Variants in SCN9A observed in about 807,000 individuals in gnomAD.
SCN9A encodes sodium voltage-gated channel alpha subunit 9, also known as sodium channel protein type 9 subunit alpha.
SCN9A carries 131 observed loss-of-function variants against 187.0 expected under a neutral mutation model. That is an observed-to-expected ratio of 0.70 (90% confidence interval 0.61 to 0.81). The LOEUF is 0.81. SCN9A is among the 30% of genes least tolerant of loss of function. The pLI is 0.00. For missense variants in SCN9A, 2,252 were observed against 2,396.6 expected (o/e 0.94, Z 1.26); for synonymous variants, 809 against 808.6 (o/e 1.00, Z -0.01).
intron 24 of SCN9A, among the ~76,000 whole-genome samples, chr2:166,208,823 A>G (rs985405819): frequency 2.6e-5 from 4 of 152,252 alleles, no homozygotes; most frequent in Non-Finnish European, 5.9e-5. Context: ...GGGTTTTCAA[A>G]TCAAACAGGC....
At chr2:166,266,373 A>G (rs1347082205) in intron 17 of SCN9A, among the ~76,000 whole-genome samples, 5 of 151,858 alleles carry the variant, frequency 3.3e-5, no homozygotes, top group Admixed American at 6.6e-5. Flanking sequence ...AGTTGACTGT[A>G]TATGTGTAGA....
At chr2:166,246,988 C>T (rs1695816648) in intron 18 of SCN9A, among the ~76,000 whole-genome samples, 1 of 151,732 alleles carries the variant, frequency 6.6e-6, no homozygotes, top group Non-Finnish European at 1.5e-5. Context: ...ATCATACCTT[C>T]TCTTTAAAAG....
Position 166,280,367 on chromosome 2 carries a change from A to G in SCN9A, c.2333T>C (p.Ile778Thr). 6.4e-7 allele frequency: 1 copy of G among 1,557,182 alleles called. No individual in the cohort carries two copies. The highest frequency in any genetic ancestry group is 2.3e-5 in the East Asian group (1 of 43,418). ...CAATAAGAGACTTACCAAATTTCCTATAGCAAGTACATTTTTGAATTCCTC... is the reference window on the plus strand; with the variant it reads ...CAATAAGAGACTTACCAAATTTCCTGTAGCAAGTACATTTTTGAATTCCTC... ...MTEEFKNVLAIGNLVFTGIFA... is the reference protein window; with the variant it reads ...MTEEFKNVLATGNLVFTGIFA... Residue 778 changes from isoleucine to threonine, a missense_variant, in exon 14 of 27, where the codon ATA becomes ACA. Physicochemically the swap from Ile to Thr is moderately conservative, Grantham distance 89. This residue lies in a region of SCN9A where 1,013 missense variants were observed against 997.4 expected (regional missense o/e 1.02). Coordinates refer to ENST00000642356, the MANE Select transcript of SCN9A (RefSeq NM_001365536.1).
intron 24 of SCN9A, among the ~76,000 whole-genome samples, chr2:166,211,067 A>T (rs1694068195): frequency 3.3e-5 from 1 of 30,324 alleles, no homozygotes; most frequent in Non-Finnish European, 5.8e-5. Context: ...ATCTCGGAAA[A>T]AAAAGAAAGA....
Position 166,199,145 on chromosome 2 carries a change from T to C in SCN9A, c.5494A>G (p.Ser1832Gly). The C allele has an allele frequency of 6.2e-7, 1 of 1,614,164 alleles. No homozygotes were observed. The highest frequency in any genetic ancestry group is 8.5e-7 in the Non-Finnish European group (1 of 1,180,030). The change falls in exon 27 of 27, where the codon AGT becomes GGT. Residue 1832 changes from serine to glycine, a missense_variant. Physicochemically the swap from Ser to Gly is moderately conservative, Grantham distance 56 (BLOSUM62 0). This residue lies in a region of SCN9A where 345 missense variants were observed against 344.6 expected (regional missense o/e 1.00). Coordinates refer to ENST00000642356, the MANE Select transcript of SCN9A (RefSeq NM_001365536.1). The part of the protein sequence containing the change: ...QLIAMDLPMV[S>G]GDRIHCLDIL... ...TCAAGACAATGGATCCGGTCACCAC[T>C]AACCATGGGCAGATCCATGGCAATG...
chr2:166,316,688 C>T (rs1459199706), intron 1 of SCN9A, among the ~76,000 whole-genome samples: 3 of 152,098 alleles, frequency 2.0e-5, no homozygotes, highest in Non-Finnish European at 2.9e-5. Context: ...AGCGAGACTC[C>T]GTCTCAAATA....
chr2:166,346,763 G>T (rs1309215466), intron 1 of SCN9A, among the ~76,000 whole-genome samples: 1 of 152,184 alleles, frequency 6.6e-6, no homozygotes, highest in African/African-American at 2.4e-5. Flanking sequence ...GTGGGTTCAG[G>T]TGGGAATCAA....
chr2:166,283,121 AAC>A (rs148229895), intron 12 of SCN9A, among the ~76,000 whole-genome samples: 3,766 of 152,274 alleles, frequency 0.025, 71 homozygotes, highest in Non-Finnish European at 0.039. Flanking sequence ...TAAATGAAGA[AAC>A]TTCATTAAAA....
chr2:166,217,849 A>G (rs895595143), intron 24 of SCN9A, among the ~76,000 whole-genome samples: 2 of 152,042 alleles, frequency 1.3e-5, no homozygotes, highest in African/African-American at 4.8e-5. Flanking sequence ...CAGCAATTCC[A>G]CTTCTAGGTA....
chr2:166,268,534 T>C (rs1348261384), intron 17 of SCN9A, among the ~76,000 whole-genome samples: 1 of 151,908 alleles, frequency 6.6e-6, no homozygotes, highest in Non-Finnish European at 1.5e-5. Flanking sequence ...AAAGTTAGCA[T>C]AGGAGGATTA....
At chr2:166,257,155 A>T (rs943233935) in intron 17 of SCN9A, among the ~76,000 whole-genome samples, 2 of 151,666 alleles carry the variant, frequency 1.3e-5, no homozygotes, top group Non-Finnish European at 3.0e-5. Flanking sequence ...AAGCAGCTGG[A>T]ATACAGTGGG....
chr2:166,242,455 G>T (rs746444433), intron 19 of SCN9A, 47 bp downstream of exon 19: 3 of 1,385,702 alleles, frequency 2.2e-6, no homozygotes, highest in Admixed American at 4.8e-5. Flanking sequence ...TCATTTTAAA[G>T]AATATTGACT....
At chr2:166,215,802 T>C (rs1574732753) in intron 24 of SCN9A, among the ~76,000 whole-genome samples, 1 of 143,440 alleles carries the variant, frequency 7.0e-6, no homozygotes, top group African/African-American at 2.6e-5. Flanking sequence ...AAGGAAAAGG[T>C]CACTGGTGAA....
At chr2:166,339,766 A>G (rs1263386238) in intron 1 of SCN9A, among the ~76,000 whole-genome samples, 2 of 152,216 alleles carry the variant, frequency 1.3e-5, no homozygotes, top group Non-Finnish European at 2.9e-5. Context: ...TCAGACTTTT[A>G]AATTAAATAA....
At chr2:166,344,595 T>C (rs1313937330) in intron 1 of SCN9A, among the ~76,000 whole-genome samples, 1 of 152,194 alleles carries the variant, frequency 6.6e-6, no homozygotes, top group East Asian at 1.9e-4. Flanking sequence ...TTCATCAGCA[T>C]GTTAGATCTT....
chr2:166,361,191 T>C (rs1007974902), intron 1 of SCN9A, among the ~76,000 whole-genome samples: 3 of 149,466 alleles, frequency 2.0e-5, no homozygotes, highest in Non-Finnish European at 3.0e-5. Flanking sequence ...TGTTACACTT[T>C]CAGTGCACAA....
chr2:166,250,627 G>A (rs879406276), intron 18 of SCN9A, among the ~76,000 whole-genome samples: 2 of 152,070 alleles, frequency 1.3e-5, no homozygotes, highest in Non-Finnish European at 2.9e-5. Flanking sequence ...TACAATACTT[G>A]TTCAGACAAT....
At chr2:166,340,866 A>G (rs1214266442) in intron 1 of SCN9A, among the ~76,000 whole-genome samples, 1 of 151,732 alleles carries the variant, frequency 6.6e-6, no homozygotes, top group Non-Finnish European at 1.5e-5. Context: ...CAAGTGATCC[A>G]CCCACCTCAG....
intron 26 of SCN9A, among the ~76,000 whole-genome samples, chr2:166,202,562 AT>A (rs1174463474): frequency 2.0e-5 from 3 of 151,694 alleles, no homozygotes; most frequent in Non-Finnish European, 4.4e-5. Context: ...ACTCATTGAT[AT>A]TTTCCTTGAA....
Sources: gnomAD v4.1 joint callset for allele counts (sites outside exome capture counted in the v4.1 genomes callset) on GRCh38, gnomAD v4.1.1 for gene constraint, gnomAD v4.1.1 regional missense constraint, MANE v1.5 for transcripts, NCBI Gene and HGNC (gene_info 2026-07-23, HGNC 2026-07-21) for gene names.